MTUS2: variants seen among roughly 807,000 people sequenced by gnomAD.
MTUS2 encodes the protein microtubule associated scaffold protein 2.
A neutral mutation model predicts 114.1 loss-of-function variants in MTUS2; 40 were observed. The ratio of observed to expected loss-of-function variants is 0.35; its 90% CI spans 0.27 to 0.46. The LOEUF (loss-of-function observed/expected upper bound fraction) is 0.46. Among genes scored for constraint, MTUS2 ranks in the 20% least tolerant of loss-of-function variants. The probability of loss-of-function intolerance (pLI) is 1.00; values close to 1 mark genes in which losing one functional copy is unlikely to be tolerated. For synonymous variants in MTUS2, 688 were observed against 672.0 expected (o/e 1.02, Z -0.37); for missense variants, 1,679 against 1,705.4 (o/e 0.98, Z 0.27).
intron 2 of MTUS2, among the ~76,000 whole-genome samples, chr13:28,859,383 C>G (rs993713928): frequency 1.1e-4 from 16 of 152,196 alleles, no homozygotes; most frequent in African/African-American, 2.9e-4. Flanking sequence ...TGGGGACTAA[C>G]TCATGGACCT....
intron 5 of MTUS2, among the ~76,000 whole-genome samples, chr13:29,146,715 A>G (rs745452113): frequency 1.3e-5 from 2 of 152,186 alleles, no homozygotes; most frequent in Non-Finnish European, 1.5e-5. Context: ...AAGACTTGTG[A>G]TATTTGGCTT....
intron 2 of MTUS2, among the ~76,000 whole-genome samples, chr13:28,946,261 C>G (rs548272819): frequency 1.1e-3 from 148 of 135,528 alleles, no homozygotes; most frequent in African/African-American, 3.8e-3. Flanking sequence ...TGGTATCTCT[C>G]TTTCTGTCTG....
chr13:29,502,526 C>T (rs879297950), intron 15 of MTUS2, among the ~76,000 whole-genome samples: 4 of 152,246 alleles, frequency 2.6e-5, no homozygotes, highest in Non-Finnish European at 4.4e-5. Context: ...ATCGTGGAGG[C>T]ACAAGCCTGG....
At chr13:28,999,553 G>A (rs1240523764) in intron 2 of MTUS2, among the ~76,000 whole-genome samples, 1 of 152,162 alleles carries the variant, frequency 6.6e-6, no homozygotes, top group Admixed American at 6.5e-5. Context: ...TTCAATATGT[G>A]CATAATTGTG....
intron 8 of MTUS2, among the ~76,000 whole-genome samples, chr13:29,427,090 A>T (rs553386435): frequency 6.6e-6 from 1 of 152,180 alleles, no homozygotes; most frequent in Non-Finnish European, 1.5e-5. Context: ...GGACCTCACA[A>T]CATCACAGAG....
At chr13:29,473,797 G>A (rs1242839700) in intron 9 of MTUS2, among the ~76,000 whole-genome samples, 4 of 152,120 alleles carry the variant, frequency 2.6e-5, no homozygotes, top group African/African-American at 9.7e-5. Flanking sequence ...CAGCTCCCTA[G>A]ATTGTAGGGG....
At chr13:29,474,730 C>T (rs1880565430) in intron 9 of MTUS2, among the ~76,000 whole-genome samples, 1 of 152,122 alleles carries the variant, frequency 6.6e-6, no homozygotes, top group Admixed American at 6.6e-5. Context: ...ATTTGAGTAG[C>T]CCCCTACTAG....
chr13:28,941,232 A>G (rs915754788), intron 2 of MTUS2, among the ~76,000 whole-genome samples: 10 of 152,088 alleles, frequency 6.6e-5, no homozygotes, highest in Admixed American at 4.6e-4. Context: ...TGTGGGTTAT[A>G]TTTATATTTA....
chr13:29,500,088 T>C lies in MTUS2; in HGVS notation c.3799-1009T>C, dbSNP rs146835557. 3.9e-3 allele frequency among the ~76,000 whole-genome samples: 592 copies of C among 152,312 alleles called. 5 individuals carry two copies. The highest frequency in any genetic ancestry group is 0.013 in the African/African-American group (557 of 41,570). On this transcript the variant is annotated intron_variant, in intron 14 of 15. Transcript: ENST00000612955. ...CCCCCTCCTGGCTTGGCCATTTGCA[T>C]TGGGTCACCAGCAAACCTCTGGGTT...
intron 5 of MTUS2, among the ~76,000 whole-genome samples, chr13:29,121,225 T>G (rs1438965547): frequency 6.6e-6 from 1 of 152,194 alleles, no homozygotes; most frequent in Non-Finnish European, 1.5e-5. Flanking sequence ...TCCCTGAAAA[T>G]GTCTTTGATT....
Position 29,050,568 on chromosome 13 carries a change from C to T in MTUS2, c.2446+16443C>T, listed in dbSNP as rs551519309. ...TCTCCCTCTCCCTTGGCATCCACCT[C>T]GGTCACAACCATCAGCGTCATCTTA... is the stretch of plus-strand genomic sequence containing the variant. On this transcript the variant is annotated intron_variant, in intron 4 of 15. Coordinates refer to ENST00000612955, the MANE Select transcript of MTUS2 (RefSeq NM_001033602.4). Among the ~76,000 whole-genome samples, 6 of 152,278 alleles carry T rather than the reference C, an allele frequency of 3.9e-5. No individual in the cohort carries two copies. In the East Asian group the frequency reaches 9.7e-4, roughly 25 times the overall value.
intron 5 of MTUS2, among the ~76,000 whole-genome samples, chr13:29,274,931 C>T (rs1898006592): frequency 6.6e-6 from 1 of 151,970 alleles, no homozygotes; most frequent in South Asian, 2.1e-4. Flanking sequence ...GACAGGGTCT[C>T]ACTATGTTGC....
intron 2 of MTUS2, among the ~76,000 whole-genome samples, chr13:28,846,072 A>ATATG (rs1230095643): frequency 1.0e-3 from 150 of 150,012 alleles, no homozygotes; most frequent in Non-Finnish European, 1.9e-3. Context: ...ATATATATAT[A>ATATG]TATTCCTCCT....
At chr13:29,469,959 C>T (rs971429322) in intron 9 of MTUS2, among the ~76,000 whole-genome samples, 3 of 152,086 alleles carry the variant, frequency 2.0e-5, no homozygotes, top group Non-Finnish European at 4.4e-5. Flanking sequence ...CAAAGTTTGG[C>T]TCACAGGGAA....
chr13:29,078,448 C>T (rs1005687567), intron 4 of MTUS2, among the ~76,000 whole-genome samples: 13 of 152,276 alleles, frequency 8.5e-5, no homozygotes, highest in Middle Eastern at 3.4e-3. Flanking sequence ...AAGCCTATTC[C>T]TGAGCTGAAG....
At position 28,904,740 on chromosome 13, in the gene MTUS2, G is replaced by C. The variant is rs534999322; in HGVS notation, c.-243+64890G>C. ...TAGGATTGACTTGGCAATGCGGGCT[G>C]TTTTTTGGTTCCATATGAACTTTAA... On this transcript the variant is annotated intron_variant, in intron 2 of 15. Coordinates refer to ENST00000612955, the MANE Select transcript of MTUS2 (RefSeq NM_001033602.4). 1.8e-4 allele frequency among the ~76,000 whole-genome samples: 27 copies of C among 151,966 alleles called. No homozygotes were observed. The South Asian group carries it at 2.1e-3, about 12-fold the overall frequency.
At chr13:29,492,305 GGTGTGT>G (rs757304310) in intron 11 of MTUS2, among the ~76,000 whole-genome samples, 1 of 148,080 alleles carries the variant, frequency 6.8e-6, no homozygotes, top group Non-Finnish European at 1.5e-5. Context: ...ATGTGTGGTA[GGTGTGT>G]ATGTGTATGT....
chr13:29,301,006 T>C (rs1899178985), intron 6 of MTUS2, among the ~76,000 whole-genome samples: 1 of 152,214 alleles, frequency 6.6e-6, no homozygotes, highest in Non-Finnish European at 1.5e-5. Flanking sequence ...GTGACATATT[T>C]ATTTGGCATT....
intron 5 of MTUS2, among the ~76,000 whole-genome samples, chr13:29,141,929 G>A (rs540541053): frequency 1.2e-4 from 17 of 147,748 alleles, no homozygotes; most frequent in African/African-American, 2.8e-4. Flanking sequence ...GTGTGATCTC[G>A]GCTCACTTCA....
Sources: allele counts gnomAD v4.1 joint callset (sites outside exome capture counted in the v4.1 genomes callset), GRCh38; gene constraint gnomAD v4.1.1; transcripts MANE v1.5; gene names NCBI Gene and HGNC (gene_info 2026-07-23, HGNC 2026-07-21).